The following SLC33A1 variants were observed in gnomAD, a reference collection of about 807,000 sequenced individuals.
SLC33A1 encodes solute carrier family 33 member 1.
A neutral mutation model predicts 50.0 loss-of-function variants in SLC33A1; 20 were observed. That is an observed-to-expected ratio of 0.40 (90% confidence interval 0.28 to 0.58). The LOEUF is 0.58. Ranked by LOEUF, SLC33A1 falls within the 20% of genes least tolerant of loss-of-function variation. SLC33A1 has a pLI of 0.44. For missense variants in SLC33A1, 476 were observed against 657.0 expected, an observed-to-expected ratio of 0.72 and a Z score of 3.01; for synonymous variants, 265 against 251.8, an observed-to-expected ratio of 1.05 and a Z score of -0.50.
At chr3:155,835,943 C>T (rs967192562) in intron 2 of SLC33A1, among the ~76,000 whole-genome samples, 18 of 151,988 alleles carry the variant, frequency 1.2e-4, no homozygotes, top group African/African-American at 4.1e-4. Flanking sequence ...TCAGGTACTA[C>T]CCTAGACCAC....
At position 155,828,272 on chromosome 3, in the gene SLC33A1, G is replaced by C; in HGVS notation, c.1588C>G (p.Pro530Ala). ...TCATCCTGTAACTTTTTAAATTTTG[G>C]ACCAAGAAAGAACCACCAACCAAAT... ...IGFGWWFFLG[P>A]KFKKLQDEGS... Residue 530 changes from proline (P) to alanine (A), a missense_variant, in exon 6 of 6, where the codon CCA becomes GCA. By Grantham distance (27) the Pro-to-Ala change is conservative (BLOSUM62 -1). Transcript: ENST00000643144. The C allele has an allele frequency of 1.9e-6, 3 of 1,612,078 alleles. No homozygotes were observed. The highest frequency in any genetic ancestry group is 2.5e-6 in the Non-Finnish European group (3 of 1,178,588).
intron 4 of SLC33A1, among the ~76,000 whole-genome samples, chr3:155,832,512 T>C (rs1752479658): frequency 1.3e-5 from 2 of 151,634 alleles, no homozygotes. Flanking sequence ...TCATAAAGAA[T>C]AAGTCAAAAC....
chr3:155,822,902 T>C lies in SLC33A1; in HGVS notation c.*5308A>G, dbSNP rs1752123396. 1 of 152,132 alleles carries C rather than the reference T, an allele frequency of 6.6e-6. No individual in the cohort carries two copies. Among genetic ancestry groups the C allele is most frequent in the African/African-American group, 2.4e-5 (1 of 41,434 alleles). 9.4% of individuals were successfully genotyped at this position (152,132 alleles called of 1,614,324 possible). A position where few individuals can be genotyped will look rare whatever the true frequency, so the allele number is the denominator to read the frequency against. ...TTTCCTTTTTAATTAAAAATAGAGA[T>C]GCAGTCTCCCTGGTCTCGATCTCCT... On this transcript the variant is annotated 3_prime_UTR_variant, in exon 6 of 6. Transcript: ENST00000643144.
rs199744062 is a variant in SLC33A1 at position 155,833,604 on chromosome 3, T to C, written c.1149-19A>G. The C allele has an allele frequency of 2.7e-5, 37 of 1,362,072 alleles. No homozygotes were observed. The highest frequency in any genetic ancestry group is 3.4e-5 in the Non-Finnish European group (32 of 950,284). The allele number at this position is 1,362,072 out of a possible 1,614,324, so 84.4% of individuals were successfully genotyped here. A position where few individuals can be genotyped will look rare whatever the true frequency, so the allele number is the denominator to read the frequency against. ...CAATAATCTATAGAGAAAGAAACAT[T>C]GAGTTGACTTCCATTTTAGCTTAAA... On this transcript the variant is annotated intron_variant, in intron 3 of 5. Coordinates refer to ENST00000643144, the MANE Select transcript of SLC33A1 (RefSeq NM_004733.4).
In SLC33A1 at chr3:155,827,406, A is replaced by G. The variant is rs1342277124; in HGVS notation, c.*804T>C. On this transcript the variant is annotated 3_prime_UTR_variant, in exon 6 of 6. Transcript: ENST00000643144. ...TACAACACTGAATTTGATCCCCTCC[A>G]TTGGCTGTCTGTGTGCCAGGAAGCA... 1 of 152,148 alleles carries G rather than the reference A, an allele frequency of 6.6e-6. No individual in the cohort carries two copies. The highest frequency in any genetic ancestry group is 1.5e-5 in the Non-Finnish European group (1 of 68,014). 9.4% of individuals were successfully genotyped at this position (152,148 alleles called of 1,614,324 possible).
chr3:155,830,089 C>T (rs776429058), intron 4 of SLC33A1, among the ~76,000 whole-genome samples, 186 bp from the exon 5 acceptor site: 31 of 151,896 alleles, frequency 2.0e-4, no homozygotes, highest in Non-Finnish European at 3.8e-4. Context: ...ACAGGCCGGG[C>T]GCGGTGGCTC....
intron 3 of SLC33A1, 33 bp from the exon 4 acceptor site, chr3:155,833,618 T>A (rs1308586384): frequency 2.4e-6 from 3 of 1,276,328 alleles, no homozygotes; most frequent in African/African-American, 2.9e-5. Context: ...TTGACTTCCA[T>A]TTTAGCTTAA....
intron 2 of SLC33A1, among the ~76,000 whole-genome samples, chr3:155,837,806 AG>A (rs1485252481): frequency 6.6e-6 from 1 of 152,246 alleles, no homozygotes; most frequent in Non-Finnish European, 1.5e-5. Context: ...ATAATTCAAA[AG>A]GAAAGAAAAT....
At chr3:155,852,941 G>A (rs1753456978) in intron 1 of SLC33A1, among the ~76,000 whole-genome samples, 1 of 152,184 alleles carries the variant, frequency 6.6e-6, no homozygotes, top group South Asian at 2.1e-4. Flanking sequence ...TTTTAAAAGT[G>A]TGCATTTGTG....
At chr3:155,851,596 G>A (rs1753403669) in intron 1 of SLC33A1, among the ~76,000 whole-genome samples, 1 of 148,468 alleles carries the variant, frequency 6.7e-6, no homozygotes, top group Non-Finnish European at 1.5e-5. Flanking sequence ...TTGAGACAGA[G>A]TCTCAAAAAT....
chr3:155,844,171 T>C (rs1236882969), intron 1 of SLC33A1, among the ~76,000 whole-genome samples: 2 of 152,144 alleles, frequency 1.3e-5, no homozygotes, highest in African/African-American at 4.8e-5. Flanking sequence ...ACAGCATTAT[T>C]TGTTTAGATC....
At chr3:155,838,427 T>C (rs1752787207) in intron 2 of SLC33A1, among the ~76,000 whole-genome samples, 1 of 151,590 alleles carries the variant, frequency 6.6e-6, no homozygotes, top group Non-Finnish European at 1.5e-5. Flanking sequence ...ACGCCTATAA[T>C]CCCAGCACTT....
intron 1 of SLC33A1, chr3:155,845,179 AG>A (rs1753120328): frequency 6.6e-6 from 1 of 152,212 alleles, no homozygotes; most frequent in Admixed American, 6.5e-5. Flanking sequence ...CCATTTTTCT[AG>A]GCAAAAGAAT....
Position 155,822,484 on chromosome 3 carries a change from T to C in SLC33A1, c.*5726A>G, listed in dbSNP as rs1047754510. ...CTGTAATCCCAGCTAATGGAGAGGC[T>C]GAGGAAGGAGAATCACTTGAACCCA... On this transcript the variant is annotated 3_prime_UTR_variant, in exon 6 of 6. Transcript: ENST00000643144. 1.4e-5 allele frequency: 2 copies of C among 147,084 alleles called. No homozygotes were observed. Among genetic ancestry groups the C allele is most frequent in the Non-Finnish European group, 3.0e-5 (2 of 67,552 alleles). The allele number at this position is 147,084 out of a possible 1,614,324, so 9.1% of individuals were successfully genotyped here. A position where few individuals can be genotyped will look rare whatever the true frequency, so the allele number is the denominator to read the frequency against.
chr3:155,838,105 A>C (rs1020438377), intron 2 of SLC33A1, among the ~76,000 whole-genome samples: 4 of 152,032 alleles, frequency 2.6e-5, no homozygotes, highest in Non-Finnish European at 4.4e-5. Context: ...GGAGTTCGAG[A>C]CTAGCCTGAC....
rs1205023718 is a variant in SLC33A1 at position 155,833,531 on chromosome 3, T to C, written c.1203A>G (p.Glu401=). 6.2e-7 allele frequency: 1 copy of C among 1,605,422 alleles called. No homozygotes were observed. Among genetic ancestry groups the C allele is most frequent in the Non-Finnish European group, 8.5e-7 (1 of 1,172,294 alleles). ...AATATATAGGGAATCCCCCTTGATG[T>C]TCTACTTTAGGAGTCCACCAAACCA... is the stretch of plus-strand genomic sequence containing the variant. ...ALLVWWTPKV[E]HQGGFPIYYY... The change falls in exon 4 of 6, where the codon GAA becomes GAG. Residue 401 remains glutamate (E), a synonymous_variant. Transcript: ENST00000643144.
intron 4 of SLC33A1, among the ~76,000 whole-genome samples, chr3:155,830,133 G>A (rs1752356850): frequency 6.6e-6 from 1 of 151,850 alleles, no homozygotes; most frequent in Admixed American, 6.6e-5. Context: ...GGAGGCCAAG[G>A]CGGGCGGATC....
chr3:155,837,350 C>T lies in SLC33A1; in HGVS notation c.964-3309G>A, dbSNP rs552138699. The stretch of plus-strand genomic sequence containing the variant: ...CAGCCTGGGGGACAGAGCGAGACTC[C>T]GTCTCAAAAAAAAAAAAAAAAAAAA... On this transcript the variant is annotated intron_variant, in intron 2 of 5. Coordinates refer to ENST00000643144, the MANE Select transcript of SLC33A1 (RefSeq NM_004733.4). 1.4e-3 allele frequency among the ~76,000 whole-genome samples: 176 copies of T among 126,708 alleles called. 2 individuals carry two copies. Among genetic ancestry groups the T allele is most frequent in the Middle Eastern group, 3.9e-3 (1 of 254 alleles). The allele number at this position is 126,708 out of a possible 152,430, so 83.1% of individuals were successfully genotyped here.
chr3:155,850,871 C>T (rs1753370275), intron 1 of SLC33A1, among the ~76,000 whole-genome samples: 1 of 151,794 alleles, frequency 6.6e-6, no homozygotes, highest in African/African-American at 2.4e-5. Flanking sequence ...TCCACCTCAG[C>T]CTCCCAAAGT....
Sources: gnomAD v4.1 joint callset for allele counts (sites outside exome capture counted in the v4.1 genomes callset) on GRCh38, gnomAD v4.1.1 for gene constraint, MANE v1.5 for transcripts, NCBI Gene and HGNC (gene_info 2026-07-23, HGNC 2026-07-21) for gene names.